Variants in MTUS2 observed in about 807,000 individuals in gnomAD.
MTUS2 encodes the protein microtubule-associated tumor suppressor candidate 2.
Under a neutral mutation model 114.1 loss-of-function variants are expected in MTUS2, and 40 were observed. The ratio of observed to expected loss-of-function variants is 0.35; its 90% CI spans 0.27 to 0.46. The LOEUF is 0.46. MTUS2 is among the 20% of genes least tolerant of loss of function. The pLI is 1.00. For missense variants in MTUS2, 1,679 were observed against 1,705.4 expected, an observed-to-expected ratio of 0.98 and a Z score of 0.27; for synonymous variants, 688 against 672.0, an observed-to-expected ratio of 1.02 and a Z score of -0.37.
intron 7 of MTUS2, among the ~76,000 whole-genome samples, chr13:29,347,363 C>T (rs1302745000): frequency 1.3e-5 from 2 of 152,076 alleles, no homozygotes; most frequent in Admixed American, 1.3e-4. Context: ...TTTTCATCTT[C>T]ATTGAGTTCA....
intron 5 of MTUS2, among the ~76,000 whole-genome samples, chr13:29,248,502 A>C (rs769689706): frequency 3.7e-4 from 56 of 152,326 alleles, no homozygotes; most frequent in Non-Finnish European, 6.5e-4. Context: ...GTTCCAGGAT[A>C]CATGTGGTGA....
At chr13:28,978,116 G>A (rs919372474) in intron 2 of MTUS2, among the ~76,000 whole-genome samples, 1 of 152,090 alleles carries the variant, frequency 6.6e-6, no homozygotes, top group African/African-American at 2.4e-5. Context: ...CATTTACCTT[G>A]CCACATGTGT....
At chr13:28,953,040 T>G (rs1882885656) in intron 2 of MTUS2, among the ~76,000 whole-genome samples, 2 of 152,244 alleles carry the variant, frequency 1.3e-5, no homozygotes, top group African/African-American at 4.8e-5. Flanking sequence ...TGCCCCTTTC[T>G]TGACATCTCT....
chr13:28,873,806 G>A (rs1877766382), intron 2 of MTUS2, among the ~76,000 whole-genome samples: 1 of 152,054 alleles, frequency 6.6e-6, no homozygotes, highest in African/African-American at 2.4e-5. Flanking sequence ...CAATAATTTG[G>A]AAATTAAAGA....
intron 7 of MTUS2, among the ~76,000 whole-genome samples, chr13:29,358,854 G>A (rs1362286619): frequency 6.6e-6 from 1 of 151,746 alleles, no homozygotes; most frequent in Non-Finnish European, 1.5e-5. Context: ...GTTATTCTCT[G>A]GTGCCCAATT....
intron 2 of MTUS2, among the ~76,000 whole-genome samples, chr13:28,891,018 CCT>C (rs1284064449): frequency 1.1e-4 from 17 of 152,228 alleles, no homozygotes; most frequent in African/African-American, 4.1e-4. Context: ...CCCAGAGTCT[CCT>C]CTTCATCAGC....
chr13:29,494,558 C>G (rs1882401630), intron 12 of MTUS2, among the ~76,000 whole-genome samples: 1 of 151,610 alleles, frequency 6.6e-6, no homozygotes, highest in African/African-American at 2.4e-5. Flanking sequence ...GGTGTAGGAG[C>G]CATGGAGGGA....
chr13:28,824,088 C>T (rs1196405540), intron 1 of MTUS2, among the ~76,000 whole-genome samples: 1 of 152,166 alleles, frequency 6.6e-6, no homozygotes, highest in Non-Finnish European at 1.5e-5. Flanking sequence ...TGGCATCTAG[C>T]AGCCTAAGGC....
At chr13:29,369,511 C>A (rs1437868221) in intron 8 of MTUS2, among the ~76,000 whole-genome samples, 1 of 152,162 alleles carries the variant, frequency 6.6e-6, no homozygotes, top group South Asian at 2.1e-4. Flanking sequence ...CAGCTCAGCT[C>A]CTTTCATTTT....
At chr13:29,134,667 G>T (rs1891901413) in intron 5 of MTUS2, among the ~76,000 whole-genome samples, 1 of 152,122 alleles carries the variant, frequency 6.6e-6, no homozygotes, top group South Asian at 2.1e-4. Flanking sequence ...GCACGGTCTT[G>T]GCTCACTGCA....
At chr13:28,910,498 C>G (rs1880347145) in intron 2 of MTUS2, among the ~76,000 whole-genome samples, 1 of 152,092 alleles carries the variant, frequency 6.6e-6, no homozygotes, top group Admixed American at 6.6e-5. Flanking sequence ...GTATTAAGCC[C>G]AGCAGTCATT....
At chr13:29,453,435 G>A (rs1878882577) in intron 9 of MTUS2, among the ~76,000 whole-genome samples, 1 of 152,144 alleles carries the variant, frequency 6.6e-6, no homozygotes, top group Non-Finnish European at 1.5e-5. Flanking sequence ...ATGCCAGGAG[G>A]AAAAGAAAGA....
At chr13:29,499,070 A>G (rs1159933600) in intron 14 of MTUS2, among the ~76,000 whole-genome samples, 2 of 152,154 alleles carry the variant, frequency 1.3e-5, no homozygotes, top group Admixed American at 6.5e-5. Context: ...ACAGGGGCTC[A>G]CCCTCAGGAC....
At chr13:29,214,391 TC>T in intron 5 of MTUS2, among the ~76,000 whole-genome samples, 1 of 152,354 alleles carries the variant, frequency 6.6e-6, no homozygotes, top group East Asian at 1.9e-4. Flanking sequence ...TGTGAATTAA[TC>T]CTGTCATCAT....
chr13:29,044,054 AT>A (rs1402940506), intron 4 of MTUS2, among the ~76,000 whole-genome samples: 11 of 152,080 alleles, frequency 7.2e-5, no homozygotes, highest in African/African-American at 2.7e-4. Flanking sequence ...CATTTTTAAT[AT>A]TCTTTATTTC....
At chr13:29,260,867 G>C (rs1388766188) in intron 5 of MTUS2, among the ~76,000 whole-genome samples, 4 of 152,312 alleles carry the variant, frequency 2.6e-5, no homozygotes, top group East Asian at 3.9e-4. Context: ...AAGGGAGATT[G>C]CTACTGGCAT....
intron 7 of MTUS2, among the ~76,000 whole-genome samples, chr13:29,342,664 T>C (rs1287127436): frequency 2.0e-5 from 3 of 152,168 alleles, no homozygotes; most frequent in Admixed American, 2.0e-4. Context: ...TTCTCTTGTC[T>C]GATTACTCTG....
chr13:29,492,561 C>T, intron 11 of MTUS2, 85 bp from the exon 12 acceptor site: 1 of 1,046,252 alleles, frequency 9.6e-7, no homozygotes, highest in South Asian at 1.4e-5. Flanking sequence ...TACCTGAAGT[C>T]ACAGGTCTTA....
At chr13:29,208,007 ATTC>A (rs1317559122) in intron 5 of MTUS2, among the ~76,000 whole-genome samples, 1 of 152,068 alleles carries the variant, frequency 6.6e-6, no homozygotes, top group African/African-American at 2.4e-5. Flanking sequence ...ATTGGTACCA[ATTC>A]TTCTTTGAAT....
Sources: gnomAD v4.1 joint callset for allele counts (sites outside exome capture counted in the v4.1 genomes callset) on GRCh38, gnomAD v4.1.1 for gene constraint, MANE v1.5 for transcripts, NCBI Gene and HGNC (gene_info 2026-07-23, HGNC 2026-07-21) for gene names.